Variants in GTF2A1 observed in about 807,000 individuals in gnomAD.
GTF2A1 encodes transcription initiation factor IIA subunit 1.
In GTF2A1, 12 loss-of-function variants were observed where a neutral mutation model predicts 54.1. The observed-to-expected ratio is 0.22, with a 90% CI of 0.14 to 0.36. The LOEUF (loss-of-function observed/expected upper bound fraction) is 0.36. GTF2A1 is among the 10% of genes least tolerant of loss of function. The pLI, the probability that GTF2A1 is intolerant of heterozygous loss-of-function variation, is 1.00. For synonymous variants in GTF2A1, 145 were observed against 152.0 expected, an observed-to-expected ratio of 0.95 and a Z score of 0.34; for missense variants, 335 against 442.2, an observed-to-expected ratio of 0.76 and a Z score of 2.17.
intron 7 of GTF2A1, among the ~76,000 whole-genome samples, chr14:81,192,313 A>T (rs1317819966): frequency 6.6e-6 from 1 of 152,238 alleles, no homozygotes; most frequent in East Asian, 1.9e-4. Context: ...TACCAGCTAT[A>T]TGAAAGTTAT....
At chr14:81,216,382 T>C (rs377162201) in intron 2 of GTF2A1, 31 bp downstream of exon 2, 5 of 903,912 alleles carry the variant, frequency 5.5e-6, no homozygotes, top group African/African-American at 5.0e-5. Flanking sequence ...GGGGGAAAAG[T>C]AGGAATATTT....
Position 81,203,985 on chromosome 14 carries a change from A to ATGGTGG in GTF2A1, c.246_251dup (p.His86_His87dup). On this transcript the variant is annotated inframe_insertion, in exon 3 of 9. Coordinates refer to ENST00000553612, the MANE Select transcript of GTF2A1 (RefSeq NM_015859.4). ...GAGGCTGAGCTTGCTGATGATGGTG[A>ATGGTGG]TGGTGGTGATGCTGCTGCTGCTGGG... 6.2e-7 allele frequency: 1 copy of ATGGTGG among 1,613,934 alleles called. No individual in the cohort carries two copies. The highest frequency in any genetic ancestry group is 1.1e-5 in the South Asian group (1 of 91,078).
At chr14:81,192,968 T>C (rs1892909420) in intron 6 of GTF2A1, 129 bp from the exon 7 acceptor site, 1 of 628,324 alleles carries the variant, frequency 1.6e-6, no homozygotes, top group Non-Finnish European at 2.8e-6. Flanking sequence ...ACTACCAAAG[T>C]ACAAAAGCAA....
chr14:81,185,683 AT>A lies in GTF2A1; in HGVS notation c.934-64del, dbSNP rs1035094337. 5 of 831,592 alleles carry A rather than the reference AT, an allele frequency of 6.0e-6. No individual in the cohort carries two copies. The East Asian group carries it at 7.5e-5, about 12-fold the overall frequency. The allele number at this position is 831,592 out of a possible 1,614,324, so 51.5% of individuals were successfully genotyped here. On this transcript the variant is annotated intron_variant, in intron 7 of 8. Transcript: ENST00000553612. ...GCCTTAATATTCACTGAAAAAAAAA[AT>A]ATAATGACCTTGATGTTCTTTGAGA...
rs1892523255 is a variant in GTF2A1 at position 81,176,140 on chromosome 14, T to G, written c.*4083A>C. On this transcript the variant is annotated 3_prime_UTR_variant, in exon 9 of 9. Transcript: ENST00000553612. ...ATACTAGTAAGCAAAGCAAGCAACA[T>G]TTTTTTTTAAATAACATCTTTAATT... 1 of 150,348 alleles carries G rather than the reference T, an allele frequency of 6.7e-6. No homozygotes were observed. Among genetic ancestry groups the G allele is most frequent in the Non-Finnish European group, 1.5e-5 (1 of 67,388 alleles). 9.3% of individuals were successfully genotyped at this position (150,348 alleles called of 1,614,324 possible).
At position 81,192,567 on chromosome 14, in the gene GTF2A1, CTCA is replaced by C. The variant is rs1566853951; in HGVS notation, c.882_884del (p.Asp294del). The C allele has an allele frequency of 2.8e-5, 45 of 1,613,252 alleles. No homozygotes were observed. Among genetic ancestry groups the C allele is most frequent in the East Asian group, 6.7e-5 (3 of 44,878 alleles). ...CTCCATCTTTCTCTTTGTCTTCCTC[CTCA>C]TCATCATCATAGTCTTCTTCTTCAT... is the stretch of plus-strand genomic sequence containing the variant. On this transcript the variant is annotated inframe_deletion, in exon 7 of 9. Transcript: ENST00000553612.
At position 81,185,613 on chromosome 14, in the gene GTF2A1, AG is replaced by A; in HGVS notation, c.940del (p.Leu314SerfsTer7). On this transcript the variant is annotated frameshift_variant, in exon 8 of 9. Transcript: ENST00000553612. LOFTEE classifies it high-confidence loss of function. ...ATCACTCACATCATCTTCACTATTG[AG>A]GGGCTCCTACAAATAAAAGGAGAGT... The part of the protein sequence containing the change: ...AEDGQVEEEP[L>X]NSEDDVSDEE... The A allele has an allele frequency of 1.3e-6, 2 of 1,562,562 alleles. No individual in the cohort carries two copies. Among genetic ancestry groups the A allele is most frequent in the Non-Finnish European group, 1.8e-6 (2 of 1,134,058 alleles).
intron 8 of GTF2A1, among the ~76,000 whole-genome samples, chr14:81,185,325 A>G (rs958662321): frequency 6.6e-6 from 1 of 152,180 alleles, no homozygotes; most frequent in Admixed American, 6.5e-5. Context: ...TTCATTCATA[A>G]CTTATTTTTC....
chr14:81,176,070 T>C lies in GTF2A1; in HGVS notation c.*4153A>G, dbSNP rs1486288251. ...TTCTCATTAACAATGTAAAGCATTT[T>C]CCTTTCTAAATTGTATTTTATTCAA... On this transcript the variant is annotated 3_prime_UTR_variant, in exon 9 of 9. Coordinates refer to ENST00000553612, the MANE Select transcript of GTF2A1 (RefSeq NM_015859.4). The C allele has an allele frequency of 1.3e-5, 2 of 152,170 alleles. No homozygotes were observed. The highest frequency in any genetic ancestry group is 4.8e-5 in the African/African-American group (2 of 41,464). The allele number at this position is 152,170 out of a possible 1,614,324, so 9.4% of individuals were successfully genotyped here.
chr14:81,187,924 C>A (rs779277737), intron 7 of GTF2A1, among the ~76,000 whole-genome samples: 1 of 152,172 alleles, frequency 6.6e-6, no homozygotes, highest in Non-Finnish European at 1.5e-5. Flanking sequence ...AGCAGCTGTA[C>A]CATTTTACAT....
At chr14:81,214,212 G>C (rs1453298076) in intron 2 of GTF2A1, among the ~76,000 whole-genome samples, 1 of 152,158 alleles carries the variant, frequency 6.6e-6, no homozygotes, top group Non-Finnish European at 1.5e-5. Context: ...CACCTATGCT[G>C]AATGGATGAG....
rs561651692 is a variant in GTF2A1, at chr14:81,178,976, A to G, written c.*1247T>C. ...TTCTTAATATACATATTACATTTCTATTATTTTTAATATACAAGTCAAATT... is the reference window on the plus strand; with the variant it reads ...TTCTTAATATACATATTACATTTCTGTTATTTTTAATATACAAGTCAAATT... On this transcript the variant is annotated 3_prime_UTR_variant, in exon 9 of 9. Transcript: ENST00000553612. The G allele has an allele frequency of 3.3e-5, 5 of 152,268 alleles. No individual in the cohort carries two copies. In the South Asian group the frequency reaches 8.3e-4, roughly 25 times the overall value. 9.4% of individuals were successfully genotyped at this position (152,268 alleles called of 1,614,324 possible).
At chr14:81,186,040 AC>A (rs1357655730) in intron 7 of GTF2A1, among the ~76,000 whole-genome samples, 1 of 152,150 alleles carries the variant, frequency 6.6e-6, no homozygotes, top group Non-Finnish European at 1.5e-5. Context: ...TTTAGTACAG[AC>A]GGTGTTTCAC....
chr14:81,204,149 G>T, intron 2 of GTF2A1, 45 bp from the exon 3 acceptor site: 1 of 1,222,636 alleles, frequency 8.2e-7, no homozygotes, highest in South Asian at 1.2e-5. Flanking sequence ...AAATAACTCT[G>T]GACAGATGAA....
chr14:81,218,775 A>T (rs1290409025), intron 1 of GTF2A1, among the ~76,000 whole-genome samples: 1 of 151,090 alleles, frequency 6.6e-6, no homozygotes, highest in South Asian at 2.1e-4. Context: ...TTAATATCCA[A>T]GGCAATAAAG....
At chr14:81,188,227 A>G (rs1892791703) in intron 7 of GTF2A1, among the ~76,000 whole-genome samples, 1 of 152,124 alleles carries the variant, frequency 6.6e-6, no homozygotes, top group Non-Finnish European at 1.5e-5. Flanking sequence ...TGGATAGTAG[A>G]TCCTTATCAA....
rs890066711 is a variant in GTF2A1, at chr14:81,176,989, A to G, written c.*3234T>C. 2 of 152,110 alleles carry G rather than the reference A, an allele frequency of 1.3e-5. No homozygotes were observed. The highest frequency in any genetic ancestry group is 2.1e-4 in the South Asian group (1 of 4,832). 9.4% of individuals were successfully genotyped at this position (152,110 alleles called of 1,614,324 possible). ...TGATAAGAATGGTGACATTATTGCT[A>G]TGAGAATCAAAAATAGTATACTCTT... On this transcript the variant is annotated 3_prime_UTR_variant, in exon 9 of 9. Transcript: ENST00000553612.
intron 1 of GTF2A1, among the ~76,000 whole-genome samples, chr14:81,217,663 G>A (rs942799174): frequency 6.6e-6 from 1 of 152,142 alleles, no homozygotes; most frequent in Non-Finnish European, 1.5e-5. Context: ...GTGGTGGCAC[G>A]TGCCTGTAGT....
chr14:81,181,916 CAT>C (rs756215376), intron 8 of GTF2A1, among the ~76,000 whole-genome samples: 4 of 152,204 alleles, frequency 2.6e-5, no homozygotes, highest in Non-Finnish European at 4.4e-5. Context: ...TTCTTCATGA[CAT>C]ATTCCTGGCA....
Sources: gnomAD v4.1 joint callset for allele counts (sites outside exome capture counted in the v4.1 genomes callset) on GRCh38, gnomAD v4.1.1 for gene constraint, MANE v1.5 for transcripts, NCBI Gene and HGNC (gene_info 2026-07-23, HGNC 2026-07-21) for gene names.